Variants in ZMAT4 observed in about 807,000 individuals in gnomAD.
The protein encoded by ZMAT4 is zinc finger matrin-type protein 4.
In ZMAT4, 17 loss-of-function variants were observed where a neutral mutation model predicts 28.7. The observed-to-expected ratio is 0.59, with a 90% CI of 0.41 to 0.89. The LOEUF is 0.89. Among genes scored for constraint, ZMAT4 ranks in the 40% least tolerant of loss-of-function variants. The pLI is 0.00. For missense variants in ZMAT4, 240 were observed against 283.8 expected, an observed-to-expected ratio of 0.85 and a Z score of 1.11; for synonymous variants, 117 against 109.2, an observed-to-expected ratio of 1.07 and a Z score of -0.44.
At chr8:40,841,020 T>A (rs1318740905) in intron 1 of ZMAT4, among the ~76,000 whole-genome samples, 1 of 152,178 alleles carries the variant, frequency 6.6e-6, no homozygotes, top group East Asian at 1.9e-4. Flanking sequence ...CCCCACATAA[T>A]GGAAACTGTG....
intron 1 of ZMAT4, among the ~76,000 whole-genome samples, chr8:40,831,515 A>C (rs939608163): frequency 1.3e-5 from 2 of 152,168 alleles, no homozygotes; most frequent in Admixed American, 1.3e-4. Context: ...CCAGGGTGGC[A>C]TCTCCTCCAG....
At chr8:40,629,801 T>G (rs937914113) in intron 5 of ZMAT4, among the ~76,000 whole-genome samples, 3 of 152,158 alleles carry the variant, frequency 2.0e-5, no homozygotes, top group Non-Finnish European at 2.9e-5. Context: ...TAATCCAGTC[T>G]ATCGTTGTTG....
At chr8:40,883,778 T>C (rs1316720860) in intron 1 of ZMAT4, among the ~76,000 whole-genome samples, 1 of 152,020 alleles carries the variant, frequency 6.6e-6, no homozygotes, top group African/African-American at 2.4e-5. Context: ...CTGAGGAGGG[T>C]TATTACTCAC....
chr8:40,626,329 A>T (rs569082512), intron 5 of ZMAT4, among the ~76,000 whole-genome samples: 1 of 152,228 alleles, frequency 6.6e-6, no homozygotes, highest in Non-Finnish European at 1.5e-5. Flanking sequence ...AACCAATAGG[A>T]AATAAGAGTG....
intron 3 of ZMAT4, among the ~76,000 whole-genome samples, chr8:40,759,360 C>A (rs1236028639): frequency 6.6e-6 from 1 of 151,666 alleles, no homozygotes; most frequent in African/African-American, 2.4e-5. Context: ...GACCTAATCC[C>A]CAGTGCGATC....
intron 4 of ZMAT4, chr8:40,696,894 G>T: frequency 5.8e-6 from 1 of 173,434 alleles, no homozygotes; most frequent in Non-Finnish European, 1.2e-5. Context: ...GACACAGCAT[G>T]CATGATCCAC....
At position 40,756,426 on chromosome 8, in the gene ZMAT4, TTATATATATATA is replaced by T. The variant is rs72008675; in HGVS notation, c.192+11203_192+11214del. On this transcript the variant is annotated intron_variant, in intron 3 of 6. Transcript: ENST00000297737. ...AATTTCATGTCTAGGAAATGTTCTT[TTATATATATATA>T]TATATATATATATATATATACACAC... Among the ~76,000 whole-genome samples, 24 of 73,282 alleles carry T rather than the reference TTATATATATATA, an allele frequency of 3.3e-4. 1 individual carries two copies. The highest frequency in any genetic ancestry group is 7.3e-4 in the African/African-American group (12 of 16,524). The allele number at this position is 73,282 out of a possible 152,430, so 48.1% of individuals were successfully genotyped here. A position where few individuals can be genotyped will look rare whatever the true frequency, so the allele number is the denominator to read the frequency against.
chr8:40,610,936 CATT>C (rs1805771661), intron 5 of ZMAT4, among the ~76,000 whole-genome samples: 2 of 24,312 alleles, frequency 8.2e-5, no homozygotes, highest in African/African-American at 2.6e-4. Flanking sequence ...TGCCCTTTTG[CATT>C]TTTTTTTTTT....
intron 1 of ZMAT4, among the ~76,000 whole-genome samples, chr8:40,867,581 A>G (rs1275503488): frequency 6.6e-6 from 1 of 152,098 alleles, no homozygotes; most frequent in Non-Finnish European, 1.5e-5. Context: ...CAGCCATACC[A>G]GCCTCCTTGC....
chr8:40,870,160 CT>C lies in ZMAT4; in HGVS notation c.-5+27522del, dbSNP rs570804977. ...GAATGTATCTGTACCAGGAAAAGGGCTGCTCCAGACAACTTTTATTCCCTAA... is the reference window on the plus strand; with the variant it reads ...GAATGTATCTGTACCAGGAAAAGGGCGCTCCAGACAACTTTTATTCCCTAA... On this transcript the variant is annotated intron_variant, in intron 1 of 6. Transcript: ENST00000297737. Among the ~76,000 whole-genome samples, 200 of 152,282 alleles carry C rather than the reference CT, an allele frequency of 1.3e-3. 2 individuals are homozygous for C. Among genetic ancestry groups the C allele is most frequent in the African/African-American group, 4.5e-3 (186 of 41,574 alleles).
intron 5 of ZMAT4, among the ~76,000 whole-genome samples, chr8:40,609,601 A>G (rs940931801): frequency 3.9e-5 from 6 of 152,164 alleles, no homozygotes; most frequent in Admixed American, 2.0e-4. Flanking sequence ...CTGTCTTACC[A>G]TCAGTCATTT....
intron 4 of ZMAT4, among the ~76,000 whole-genome samples, chr8:40,686,567 G>T (rs1809417470): frequency 6.6e-6 from 1 of 152,122 alleles, no homozygotes; most frequent in Admixed American, 6.5e-5. Context: ...CCAGGAAGCT[G>T]CAGTGAGCCG....
intron 4 of ZMAT4, among the ~76,000 whole-genome samples, chr8:40,685,384 G>C (rs953463803): frequency 2.0e-5 from 3 of 152,206 alleles, no homozygotes; most frequent in Non-Finnish European, 2.9e-5. Flanking sequence ...GAGGAAGTCA[G>C]TTTTAGGGTA....
chr8:40,650,015 A>C (rs1272570160), intron 5 of ZMAT4, among the ~76,000 whole-genome samples: 1 of 151,984 alleles, frequency 6.6e-6, no homozygotes, highest in Non-Finnish European at 1.5e-5. Flanking sequence ...AATTAAAAGA[A>C]CTAGAAAAGC....
chr8:40,588,745 T>G (rs530249956), intron 5 of ZMAT4, among the ~76,000 whole-genome samples: 1 of 152,256 alleles, frequency 6.6e-6, no homozygotes, highest in South Asian at 2.1e-4. Context: ...ATATCTACCT[T>G]ATGACAAGAA....
At chr8:40,600,684 G>T (rs1805271018) in intron 5 of ZMAT4, among the ~76,000 whole-genome samples, 1 of 152,136 alleles carries the variant, frequency 6.6e-6, no homozygotes, top group South Asian at 2.1e-4. Context: ...GGCTCCAACG[G>T]TCTAGAGTGC....
In ZMAT4 at chr8:40,638,174, T is replaced by C. The variant is rs578190703; in HGVS notation, c.577+36530A>G. ...ATATAGTGACTATAGTTAATAATCA[T>C]GTATTGTATATTTCAAAATGGTGAA... is the stretch of plus-strand genomic sequence containing the variant. On this transcript the variant is annotated intron_variant, in intron 5 of 6. Transcript: ENST00000297737. Among the ~76,000 whole-genome samples the C allele has an allele frequency of 3.9e-5, 6 of 152,344 alleles. No homozygotes were observed. In the South Asian group the frequency reaches 8.3e-4, roughly 21 times the overall value.
At chr8:40,858,612 G>A (rs936110716) in intron 1 of ZMAT4, among the ~76,000 whole-genome samples, 16 of 152,268 alleles carry the variant, frequency 1.1e-4, no homozygotes, top group African/African-American at 3.6e-4. Context: ...TGACTAACTG[G>A]AAAAATTTTA....
chr8:40,897,503 C>A (rs1433753930), intron 1 of ZMAT4, among the ~76,000 whole-genome samples, 180 bp downstream of exon 1: 1 of 152,176 alleles, frequency 6.6e-6, no homozygotes, highest in African/African-American at 2.4e-5. Flanking sequence ...TTCTTGCCAG[C>A]GCAGAAGTTT....
Sources: allele counts gnomAD v4.1 joint callset (sites outside exome capture counted in the v4.1 genomes callset), GRCh38; gene constraint gnomAD v4.1.1; transcripts MANE v1.5; gene names NCBI Gene and HGNC (gene_info 2026-07-23, HGNC 2026-07-21).